Variants in HECTD4 observed in about 807,000 individuals in gnomAD.
The protein encoded by HECTD4 is HECT domain E3 ubiquitin protein ligase 4, also known as probable E3 ubiquitin-protein ligase HECTD4.
In HECTD4, 114 loss-of-function variants were observed where a neutral mutation model predicts 471.5. That is an observed-to-expected ratio of 0.24 (90% confidence interval 0.21 to 0.28). HECTD4 has a LOEUF of 0.28. Among genes scored for constraint, HECTD4 ranks in the 10% least tolerant of loss-of-function variants. The pLI is 1.00. For missense variants in HECTD4, 3,866 were observed against 5,651.5 expected (o/e 0.68, Z 10.13); for synonymous variants, 2,012 against 2,256.0 (o/e 0.89, Z 3.07).
intron 54 of HECTD4, among the ~76,000 whole-genome samples, chr12:112,202,229 A>T (rs1484247785): frequency 4.0e-5 from 6 of 151,242 alleles, no homozygotes; most frequent in Admixed American, 3.9e-4. Context: ...TTTTTGAGAC[A>T]GTGTCTTGCT....
chr12:112,252,391 A>C, intron 23 of HECTD4, 33 bp downstream of exon 23: 2 of 1,558,700 alleles, frequency 1.3e-6, no homozygotes, highest in Non-Finnish European at 1.7e-6. Context: ...CAGATAGTAC[A>C]TTTTGTCCAC....
At chr12:112,216,703 C>A in intron 47 of HECTD4, 70 bp downstream of exon 47, 1 of 1,529,408 alleles carries the variant, frequency 6.5e-7, no homozygotes, top group Non-Finnish European at 8.9e-7. Context: ...ATTTTGACTT[C>A]CTGAACACCT....
At chr12:112,212,940 C>A (rs1297976180) in intron 48 of HECTD4, among the ~76,000 whole-genome samples, 1 of 152,174 alleles carries the variant, frequency 6.6e-6, no homozygotes, top group East Asian at 1.9e-4. Flanking sequence ...GGATTACAGG[C>A]GCCTACAAGC....
At chr12:112,257,284 G>T (rs537874100) in intron 20 of HECTD4, among the ~76,000 whole-genome samples, 33 of 152,250 alleles carry the variant, frequency 2.2e-4, no homozygotes, top group African/African-American at 7.7e-4. Flanking sequence ...TAGCTATATT[G>T]CAGGTGCTAA....
intron 44 of HECTD4, among the ~76,000 whole-genome samples, chr12:112,221,435 C>CCAGGCTA (rs2033093201): frequency 6.6e-6 from 1 of 151,962 alleles, no homozygotes; most frequent in Non-Finnish European, 1.5e-5. Flanking sequence ...AGGGAGTTTC[C>CCAGGCTA]TCCATTTTGC....
rs1284007171 is a variant in HECTD4, at chr12:112,371,775, A to T, written c.177+10177T>A. 4.0e-5 allele frequency among the ~76,000 whole-genome samples: 6 copies of T among 151,506 alleles called. 1 individual carries two copies. The highest frequency in any genetic ancestry group is 4.0e-4 in the Admixed American group (6 of 15,168). ...GAGGCGGGCGCCTGTAATCCCAGCT[A>T]CTTGGAAGGCTGAGGCAGGAGAATC... On this transcript the variant is annotated intron_variant, in intron 1 of 75. Transcript: ENST00000682272.
At chr12:112,331,434 T>G (rs145524048) in intron 1 of HECTD4, among the ~76,000 whole-genome samples, 2 of 152,212 alleles carry the variant, frequency 1.3e-5, no homozygotes, top group East Asian at 3.9e-4. Flanking sequence ...AACCACTGAG[T>G]TGGGGGAACT....
At chr12:112,281,261 T>C (rs907302753) in intron 8 of HECTD4, among the ~76,000 whole-genome samples, 1 of 149,328 alleles carries the variant, frequency 6.7e-6, no homozygotes, top group African/African-American at 2.4e-5. Flanking sequence ...TAACAAGACC[T>C]CATGTTTTTT....
intron 7 of HECTD4, among the ~76,000 whole-genome samples, chr12:112,298,211 AG>A (rs1232480921): frequency 6.6e-6 from 1 of 152,200 alleles, no homozygotes; most frequent in African/African-American, 2.4e-5. Flanking sequence ...GGCACGAATC[AG>A]GAGAGTTGGT....
intron 7 of HECTD4, among the ~76,000 whole-genome samples, chr12:112,304,303 G>A (rs942005148): frequency 1.2e-4 from 17 of 138,398 alleles, no homozygotes; most frequent in Non-Finnish European, 2.6e-4. Context: ...GGAGCACACT[G>A]GTACAATCAG....
chr12:112,313,736 G>A (rs570347074), intron 3 of HECTD4, among the ~76,000 whole-genome samples: 18 of 151,876 alleles, frequency 1.2e-4, no homozygotes, highest in Non-Finnish European at 2.1e-4. Flanking sequence ...TGATCCTCCC[G>A]CCTTGGCCTC....
intron 1 of HECTD4, among the ~76,000 whole-genome samples, chr12:112,373,457 G>C (rs1250098570): frequency 6.6e-6 from 1 of 152,084 alleles, no homozygotes; most frequent in African/African-American, 2.4e-5. Context: ...AGGAGGCGGA[G>C]GTTGCAGTGA....
chr12:112,277,833 T>C (rs1382327818), intron 9 of HECTD4, among the ~76,000 whole-genome samples: 1 of 152,222 alleles, frequency 6.6e-6, no homozygotes, highest in Admixed American at 6.5e-5. Flanking sequence ...CCTCACACTA[T>C]CCTATGTGGT....
At chr12:112,249,129 C>T (rs908095489) in intron 25 of HECTD4, among the ~76,000 whole-genome samples, 1 of 151,920 alleles carries the variant, frequency 6.6e-6, no homozygotes, top group Non-Finnish European at 1.5e-5. Flanking sequence ...CTGAGGCTGG[C>T]GAATCACTTG....
At chr12:112,262,778 G>A (rs1200484184) in intron 17 of HECTD4, among the ~76,000 whole-genome samples, 1 of 151,934 alleles carries the variant, frequency 6.6e-6, no homozygotes, top group African/African-American at 2.4e-5. Context: ...ATCACGCCCG[G>A]CTAATTTTTG....
chr12:112,260,220 T>C (rs183617335), intron 18 of HECTD4, among the ~76,000 whole-genome samples: 7 of 152,310 alleles, frequency 4.6e-5, no homozygotes, highest in African/African-American at 1.7e-4. Context: ...ATCTTTAAAA[T>C]CACATTCTTA....
At chr12:112,273,599 A>C in intron 11 of HECTD4, 56 bp downstream of exon 11, 5 of 1,533,274 alleles carry the variant, frequency 3.3e-6, no homozygotes, top group Non-Finnish European at 4.5e-6. Flanking sequence ...ATGCTGTGGT[A>C]TTCTCTCATA....
intron 1 of HECTD4, among the ~76,000 whole-genome samples, chr12:112,340,548 G>C (rs1299416029): frequency 1.3e-5 from 2 of 152,194 alleles, no homozygotes; most frequent in Non-Finnish European, 2.9e-5. Flanking sequence ...CTGGCATCTA[G>C]TGGGTAGAGA....
intron 55 of HECTD4, among the ~76,000 whole-genome samples, chr12:112,196,556 A>C (rs760082326): frequency 6.6e-6 from 1 of 152,068 alleles, no homozygotes; most frequent in African/African-American, 2.4e-5. Context: ...TTCACCTCAG[A>C]CTTTATAGGC....
Sources: allele counts gnomAD v4.1 joint callset (sites outside exome capture counted in the v4.1 genomes callset), GRCh38; gene constraint gnomAD v4.1.1; transcripts MANE v1.5; gene names NCBI Gene and HGNC (gene_info 2026-07-23, HGNC 2026-07-21).